The following TBC1D26 variants were observed in gnomAD, a reference collection of about 807,000 sequenced individuals.
The protein encoded by TBC1D26 is TBC1 domain family, member 26.
Under a neutral mutation model 42.5 loss-of-function variants are expected in TBC1D26, and 19 were observed. That is an observed-to-expected ratio of 0.45 (90% CI 0.31 to 0.66). The LOEUF is 0.66. Ranked by LOEUF, TBC1D26 falls within the 30% of genes least tolerant of loss-of-function variation. The probability of loss-of-function intolerance (pLI) is 0.06; values close to 1 mark genes in which losing one functional copy is unlikely to be tolerated. For synonymous variants in TBC1D26, 97 were observed against 123.5 expected, an observed-to-expected ratio of 0.79 and a Z score of 1.42; for missense variants, 228 against 332.6, an observed-to-expected ratio of 0.69 and a Z score of 2.45.
At chr17:15,738,529 T>C in intron 7 of TBC1D26, 142 bp downstream of exon 7, 1 of 1,322,028 alleles carries the variant, frequency 7.6e-7, no homozygotes, top group Non-Finnish European at 1.1e-6. Flanking sequence ...AGATGGTAAC[T>C]CAGGCACCAC....
intron 9 of TBC1D26, chr17:15,740,530 G>A: frequency 1.7e-6 from 2 of 1,194,568 alleles, no homozygotes; most frequent in Non-Finnish European, 1.0e-6. Context: ...TGGAAACCTG[G>A]CAAGGATCCA....
At position 15,740,371 on chromosome 17, in the gene TBC1D26, C is replaced by T. The variant is rs1393206384; in HGVS notation, c.546+223C>T. 6.8e-6 allele frequency: 10 copies of T among 1,463,094 alleles called. No individual in the cohort carries two copies. In the Admixed American group the frequency reaches 2.6e-4, roughly 37 times the overall value. The allele number at this position is 1,463,094 out of a possible 1,614,324, so 90.6% of individuals were successfully genotyped here. On this transcript the variant is annotated intron_variant, in intron 9 of 14. Coordinates refer to ENST00000437605, the MANE Select transcript of TBC1D26 (RefSeq NM_001388465.1). ...TCAGATGAAGAAACGACCTTCCCCT[C>T]CTGGTGTTGCCCCAAAGCCTAGGAG...
chr17:15,735,292 G>C, intron 2 of TBC1D26, 56 bp from the exon 3 acceptor site: 1 of 1,326,726 alleles, frequency 7.5e-7, no homozygotes, highest in Non-Finnish European at 1.1e-6. Context: ...GTGTGGTTTG[G>C]CTGTTCTCTG....
chr17:15,734,152 G>A (rs1435016564), intron 1 of TBC1D26: 1 of 151,958 alleles, frequency 6.6e-6, no homozygotes, highest in Non-Finnish European at 1.5e-5. Flanking sequence ...CCCGGGCCGT[G>A]CACTCAGCCC....
intron 11 of TBC1D26, 27 bp downstream of exon 11, chr17:15,742,063 A>T: frequency 6.2e-7 from 1 of 1,603,422 alleles, no homozygotes; most frequent in Non-Finnish European, 8.5e-7. Flanking sequence ...CTCAGCTCCT[A>T]ACCAGACGCC....
At chr17:15,741,086 G>A (rs112921614) in intron 9 of TBC1D26, 36 bp from the exon 10 acceptor site, 33 of 1,603,294 alleles carry the variant, frequency 2.1e-5, no homozygotes, top group African/African-American at 1.9e-4. Flanking sequence ...AGTCCTCCTA[G>A]GTGACATCTT....
rs147692420 is a variant in TBC1D26, at chr17:15,738,216, C to A, written c.280-64C>A. 2,976 of 1,606,330 alleles carry A rather than the reference C, an allele frequency of 1.9e-3. 13 individuals are homozygous for A. The Middle Eastern group carries it at 0.02, about 11-fold the overall frequency. ...CTTGCCATAGGACTGCAGGCCTGTTCGCCAGCTTTGCTCTGCGGGGTCGCC... is the reference window on the plus strand; with the variant it reads ...CTTGCCATAGGACTGCAGGCCTGTTAGCCAGCTTTGCTCTGCGGGGTCGCC... On this transcript the variant is annotated intron_variant, in intron 6 of 14. Transcript: ENST00000437605.
intron 1 of TBC1D26, chr17:15,733,669 A>G (rs1188686798): frequency 6.6e-6 from 1 of 152,284 alleles, no homozygotes; most frequent in African/African-American, 2.4e-5. Flanking sequence ...GTTCACCCAC[A>G]TAAACGTACA....
In TBC1D26 at chr17:15,740,430, G is replaced by A. The variant is rs527617185; in HGVS notation, c.546+282G>A. The A allele has an allele frequency of 2.2e-6, 3 of 1,386,776 alleles. No homozygotes were observed. In the African/African-American group the frequency reaches 4.3e-5, roughly 20 times the overall value. 85.9% of individuals were successfully genotyped at this position (1,386,776 alleles called of 1,614,324 possible). On this transcript the variant is annotated intron_variant, in intron 9 of 14. Transcript: ENST00000437605. ...GGTCCCACACAGGATGGTCCTTGTA[G>A]GAGACAGGTTTGACAAGTTGCTGAG...
intron 4 of TBC1D26, chr17:15,735,900 CAG>C (rs1967601585): frequency 1.4e-6 from 1 of 691,182 alleles, no homozygotes; most frequent in African/African-American, 1.8e-5. Flanking sequence ...GGGGTAGGGA[CAG>C]AGAGGGGACT....
chr17:15,738,073 A>T lies in TBC1D26; in HGVS notation c.275A>T (p.Lys92Met). 1 of 1,614,226 alleles carries T rather than the reference A, an allele frequency of 6.2e-7. No homozygotes were observed. Among genetic ancestry groups the T allele is most frequent in the Non-Finnish European group, 8.5e-7 (1 of 1,180,034 alleles). ...LADWTKYRST[K>M]KLSQRVYKVI... is the part of the protein sequence containing the mutation. ...GACTGGACAAAATATAGGAGCACCA[A>T]GAAGGTAACATGGGGAGGAAGTGGC... Residue 92 changes from lysine to methionine, a missense_variant, in exon 6 of 15, where the codon AAG (lysine) becomes ATG (methionine). Physicochemically the swap from Lys to Met is moderately conservative, Grantham distance 95. Transcript: ENST00000437605.
intron 8 of TBC1D26, among the ~76,000 whole-genome samples, chr17:15,739,775 T>C (rs1274162074): frequency 6.6e-6 from 1 of 152,290 alleles, no homozygotes; most frequent in Non-Finnish European, 1.5e-5. Flanking sequence ...CGGGAGGCTC[T>C]GCACATTAGT....
intron 9 of TBC1D26, chr17:15,740,718 C>T: frequency 1.8e-6 from 2 of 1,090,090 alleles, no homozygotes; most frequent in South Asian, 2.9e-5. Context: ...GGCAGGCAGC[C>T]CTTGGGCTGT....
rs546155292 is a variant in TBC1D26, at chr17:15,739,991, G to T, written c.498-109G>T. 1.3e-5 allele frequency: 18 copies of T among 1,367,762 alleles called. No homozygotes were observed. The South Asian group carries it at 2.6e-4, about 19-fold the overall frequency. 84.7% of individuals were successfully genotyped at this position (1,367,762 alleles called of 1,614,324 possible). On this transcript the variant is annotated intron_variant, in intron 8 of 14. Coordinates refer to ENST00000437605, the MANE Select transcript of TBC1D26 (RefSeq NM_001388465.1). Reference sequence around the variant, plus strand: ...TAAAGAGCTCACTGCTTATTTGGGGGGATCATCTGAACCCAGAATTGTGTT... The same window carrying T: ...TAAAGAGCTCACTGCTTATTTGGGGTGATCATCTGAACCCAGAATTGTGTT...
Position 15,735,356 on chromosome 17 carries a change from T to C in TBC1D26, c.8T>C (p.Met3Thr). 2 of 1,613,886 alleles carry C rather than the reference T, an allele frequency of 1.2e-6. No homozygotes were observed. Among genetic ancestry groups the C allele is most frequent in the Middle Eastern group, 1.7e-4 (1 of 6,056 alleles). The change falls in exon 3 of 15, where the codon ATG becomes ACG. Residue 3 changes from methionine to threonine, a missense_variant. Physicochemically the swap from Met to Thr is moderately conservative, Grantham distance 81. Transcript: ENST00000437605. ...ATGACTTTGTCTTGCAGGATGGAGA[T>C]GGATGGGGACCCGTATAACCTGCCT... ME[M>T]DGDPYNLPAQ...
intron 13 of TBC1D26, 71 bp from the exon 14 acceptor site, chr17:15,743,296 G>C (rs1967842355): frequency 2.3e-6 from 2 of 855,288 alleles, no homozygotes; most frequent in African/African-American, 1.8e-5. Context: ...AGGTGGGCCT[G>C]GTAGAAATGG....
intron 10 of TBC1D26, 33 bp from the exon 11 acceptor site, chr17:15,741,909 G>T (rs762310026): frequency 1.2e-6 from 2 of 1,609,268 alleles, no homozygotes; most frequent in Non-Finnish European, 1.7e-6. Context: ...TGGGCGTGGG[G>T]TCTGATGGGG....
At chr17:15,743,326 C>T (rs1229439383) in intron 13 of TBC1D26, 41 bp from the exon 14 acceptor site, 5 of 978,210 alleles carry the variant, frequency 5.1e-6, no homozygotes, top group Non-Finnish European at 6.1e-6. Context: ...ACTGTCCCCT[C>T]CCAGGGAACC....
rs1446263095 is a variant in TBC1D26, at chr17:15,739,984, T to C, written c.498-116T>C. On this transcript the variant is annotated intron_variant, in intron 8 of 14. Coordinates refer to ENST00000437605, the MANE Select transcript of TBC1D26 (RefSeq NM_001388465.1). ...GGTGTCCTAAAGAGCTCACTGCTTATTTGGGGGGATCATCTGAACCCAGAA... is the reference window on the plus strand; with the variant it reads ...GGTGTCCTAAAGAGCTCACTGCTTACTTGGGGGGATCATCTGAACCCAGAA... 4 of 1,316,678 alleles carry C rather than the reference T, an allele frequency of 3.0e-6. No homozygotes were observed. The South Asian group carries it at 4.3e-5, about 14-fold the overall frequency. The allele number at this position is 1,316,678 out of a possible 1,614,324, so 81.6% of individuals were successfully genotyped here. A position where few individuals can be genotyped will look rare whatever the true frequency, so the allele number is the denominator to read the frequency against.
Sources: allele counts gnomAD v4.1 joint callset (sites outside exome capture counted in the v4.1 genomes callset), GRCh38; gene constraint gnomAD v4.1.1; transcripts MANE v1.5; gene names NCBI Gene and HGNC (gene_info 2026-07-23, HGNC 2026-07-21).